Variants in MIA2 observed in about 807,000 individuals in gnomAD.
The protein encoded by MIA2 is melanoma inhibitory activity protein 2.
In MIA2, 127 loss-of-function variants were observed where a neutral mutation model predicts 167.8. That is an observed-to-expected ratio of 0.76 (90% CI 0.66 to 0.88). The LOEUF (loss-of-function observed/expected upper bound fraction) is 0.88. Among genes scored for constraint, MIA2 ranks in the 40% least tolerant of loss-of-function variants. The pLI is 0.00. For synonymous variants in MIA2, 552 were observed against 541.9 expected (o/e 1.02, Z -0.26); for missense variants, 1,690 against 1,624.7 (o/e 1.04, Z -0.69).
chr14:39,350,186 A>G lies in MIA2; in HGVS notation c.4161A>G (p.Arg1387=). The G allele has an allele frequency of 6.7e-7, 1 of 1,491,326 alleles. No individual in the cohort carries two copies. The highest frequency in any genetic ancestry group is 9.1e-7 in the Non-Finnish European group (1 of 1,099,356). 92.4% of individuals were successfully genotyped at this position (1,491,326 alleles called of 1,614,324 possible). Residue 1387 remains arginine (R), a synonymous_variant, in exon 29 of 29, where the codon AGA becomes AGG. Transcript: ENST00000640607. The stretch of plus-strand genomic sequence containing the variant: ...CCCCACCCCCACATTCTGAAGGTAG[A>G]AGTGAGTTCCCCTCAGGTTTGATTC... ...FFPPPPHSEG[R]SEFPSGLIPP...
intron 17 of MIA2, among the ~76,000 whole-genome samples, 185 bp downstream of exon 17, chr14:39,304,566 A>G (rs918615961): frequency 2.0e-4 from 31 of 152,294 alleles, no homozygotes; most frequent in Middle Eastern, 3.4e-3. Context: ...CTAAAGGCAT[A>G]TCGATTTCCT....
At chr14:39,269,040 CTCTAG>C in intron 6 of MIA2, 5 of 858,034 alleles carry the variant, frequency 5.8e-6, no homozygotes, top group Non-Finnish European at 6.9e-6. Flanking sequence ...TTGCAGTTTT[CTCTAG>C]TCTGGTGCGT....
At chr14:39,374,148 A>G (rs73279392) in intron 23 of MIA2, among the ~76,000 whole-genome samples, 2,852 of 152,366 alleles carry the variant, frequency 0.019, 99 homozygotes, top group African/African-American at 0.066. Context: ...TAGGAGTTCC[A>G]GAGTGAAGAC....
intron 10 of MIA2, among the ~76,000 whole-genome samples, chr14:39,292,137 AATTAT>A (rs1265320206): frequency 6.6e-6 from 1 of 152,196 alleles, no homozygotes; most frequent in Non-Finnish European, 1.5e-5. Flanking sequence ...AACTTGTTGA[AATTAT>A]ATTTTATTTG....
At chr14:39,380,206 AGAG>A (rs1455180320) in intron 23 of MIA2, among the ~76,000 whole-genome samples, 1 of 152,250 alleles carries the variant, frequency 6.6e-6, no homozygotes, top group Non-Finnish European at 1.5e-5. Context: ...TGAGGAAAAA[AGAG>A]GAGCTGGAGC....
At chr14:39,368,201 G>A (rs765151058) in intron 23 of MIA2, among the ~76,000 whole-genome samples, 6 of 152,146 alleles carry the variant, frequency 3.9e-5, no homozygotes, top group South Asian at 2.1e-4. Context: ...ATTAAGGGGC[G>A]AGAGAGCAAA....
intron 10 of MIA2, among the ~76,000 whole-genome samples, chr14:39,291,623 C>T (rs2060750047): frequency 6.6e-6 from 1 of 151,990 alleles, no homozygotes; most frequent in Admixed American, 6.6e-5. Flanking sequence ...AAAAAGCAGC[C>T]TTATTTGTAG....
At chr14:39,380,141 T>C (rs747812203) in intron 23 of MIA2, among the ~76,000 whole-genome samples, 5 of 152,184 alleles carry the variant, frequency 3.3e-5, no homozygotes, top group Admixed American at 6.5e-5. Context: ...AACATTTCCT[T>C]CAGACCTTTA....
chr14:39,387,119 C>T lies in MIA2; in HGVS notation c.*167C>T, dbSNP rs1299212629. ...GGCTGCCATCTTGCTTGGTGCTCAA[C>T]GGAAGCCGACTTTCAAGCCTTATTG... On this transcript the variant is annotated 3_prime_UTR_variant, in exon 24 of 24. Transcript: ENST00000341502. 24 of 564,288 alleles carry T rather than the reference C, an allele frequency of 4.3e-5. No individual in the cohort carries two copies. In the South Asian group the frequency reaches 5.5e-4, roughly 13 times the overall value. 35.0% of individuals were successfully genotyped at this position (564,288 alleles called of 1,614,324 possible). A position where few individuals can be genotyped will look rare whatever the true frequency, so the allele number is the denominator to read the frequency against.
intron 18 of MIA2, among the ~76,000 whole-genome samples, chr14:39,309,768 G>A (rs550134710): frequency 1.4e-4 from 21 of 152,090 alleles, no homozygotes; most frequent in Non-Finnish European, 2.5e-4. Context: ...TACATGAGAC[G>A]TGTGGTAACT....
chr14:39,258,403 C>T (rs1287398548), intron 6 of MIA2, among the ~76,000 whole-genome samples: 4 of 152,078 alleles, frequency 2.6e-5, no homozygotes, highest in South Asian at 4.1e-4. Flanking sequence ...GTATGCTTCA[C>T]GAAGTTCTTA....
chr14:39,260,215 T>C (rs997548366), intron 6 of MIA2, among the ~76,000 whole-genome samples: 4 of 152,254 alleles, frequency 2.6e-5, no homozygotes, highest in Admixed American at 2.0e-4. Flanking sequence ...CCTTTGGGTA[T>C]ATACCCAGTA....
chr14:39,380,949 A>C (rs536014457), intron 23 of MIA2, among the ~76,000 whole-genome samples: 1 of 151,894 alleles, frequency 6.6e-6, no homozygotes, highest in East Asian at 1.9e-4. Flanking sequence ...CTTTTCTGTA[A>C]GTCTCTAAAC....
At chr14:39,299,119 T>C (rs2061980697) in intron 13 of MIA2, among the ~76,000 whole-genome samples, 1 of 150,006 alleles carries the variant, frequency 6.7e-6, no homozygotes, top group East Asian at 1.9e-4. Context: ...TTTCTAGTTA[T>C]TTATCTTTAA....
rs2060128348 is a variant in MIA2 at position 39,288,446 on chromosome 14, TATA to T, written c.2131-2572_2131-2570del. On this transcript the variant is annotated intron_variant, in intron 9 of 28. Coordinates refer to ENST00000640607, the MANE Select transcript of MIA2 (RefSeq NM_001329214.4). ...TATATATTATACATATATATATATA[TATA>T]TATATATATATATATATATATATAT... 4.3e-4 allele frequency among the ~76,000 whole-genome samples: 12 copies of T among 28,112 alleles called. 1 individual carries two copies. The highest frequency in any genetic ancestry group is 9.1e-4 in the East Asian group (1 of 1,094). 18.4% of individuals were successfully genotyped at this position (28,112 alleles called of 152,430 possible).
chr14:39,317,046 TAGAG>T (rs2065595331), intron 21 of MIA2, among the ~76,000 whole-genome samples: 1 of 152,060 alleles, frequency 6.6e-6, no homozygotes, highest in African/African-American at 2.4e-5. Context: ...ATGACATGGG[TAGAG>T]GCTACAAAGA....
chr14:39,241,140 C>T (rs974923030), intron 3 of MIA2, among the ~76,000 whole-genome samples: 6 of 152,202 alleles, frequency 3.9e-5, no homozygotes, highest in Non-Finnish European at 8.8e-5. Context: ...TTTTCCACCA[C>T]GCTCCTTAGT....
chr14:39,305,806 C>A (rs1189950831), intron 17 of MIA2, among the ~76,000 whole-genome samples: 1 of 152,040 alleles, frequency 6.6e-6, no homozygotes, highest in East Asian at 1.9e-4. Flanking sequence ...CGTGGTGGCA[C>A]ATGCCTGTAA....
intron 6 of MIA2, chr14:39,268,948 A>G (rs2056564274): frequency 5.4e-6 from 5 of 928,768 alleles, no homozygotes; most frequent in Non-Finnish European, 6.4e-6. Flanking sequence ...ACTAAAAACA[A>G]TAATAATCAA....
Sources: allele counts gnomAD v4.1 joint callset (sites outside exome capture counted in the v4.1 genomes callset), GRCh38; gene constraint gnomAD v4.1.1; transcripts MANE v1.5; gene names NCBI Gene and HGNC (gene_info 2026-07-23, HGNC 2026-07-21).